EDARADD: variants seen among roughly 807,000 people sequenced by gnomAD.
EDARADD encodes EDAR associated via death domain.
In EDARADD, 20 loss-of-function variants were observed where a neutral mutation model predicts 25.6. That is an observed-to-expected ratio of 0.78 (90% CI 0.55 to 1.14). The LOEUF is 1.14. EDARADD is among the 50% of genes most tolerant of loss of function. The pLI, the probability that EDARADD is intolerant of heterozygous loss-of-function variation, is 0.00. For missense variants in EDARADD, 225 were observed against 270.1 expected, an observed-to-expected ratio of 0.83 and a Z score of 1.17; for synonymous variants, 86 against 94.4, an observed-to-expected ratio of 0.91 and a Z score of 0.52.
chr1:236,447,026 C>A (rs928679004), intron 4 of EDARADD, among the ~76,000 whole-genome samples: 2 of 152,160 alleles, frequency 1.3e-5, no homozygotes, highest in South Asian at 4.1e-4. Flanking sequence ...CATAGCAGGG[C>A]AGGGCAGGTC....
intron 1 of EDARADD, among the ~76,000 whole-genome samples, chr1:236,402,964 T>C (rs1241536583): frequency 6.9e-6 from 1 of 143,932 alleles, no homozygotes; most frequent in Non-Finnish European, 1.5e-5. Context: ...TTGTCTTTTC[T>C]TTTTTTTTTG....
intron 4 of EDARADD, among the ~76,000 whole-genome samples, chr1:236,451,886 TC>T (rs1421254066): frequency 6.6e-6 from 1 of 151,592 alleles, no homozygotes; most frequent in Non-Finnish European, 1.5e-5. Context: ...TTTTTACACC[TC>T]CCCCCAGCAG....
At chr1:236,439,065 G>C (rs112604506) in intron 4 of EDARADD, among the ~76,000 whole-genome samples, 159 of 152,226 alleles carry the variant, frequency 1.0e-3, no homozygotes, top group African/African-American at 3.6e-3. Context: ...CCATACTTTT[G>C]CCTTTTGCAG....
intron 4 of EDARADD, among the ~76,000 whole-genome samples, chr1:236,461,591 G>A (rs776513844): frequency 6.6e-6 from 1 of 152,198 alleles, no homozygotes; most frequent in Non-Finnish European, 1.5e-5. Flanking sequence ...TTCCAAAGAA[G>A]CTAGTTAAGT....
At position 236,483,737 on chromosome 1, in the gene EDARADD, C is replaced by G. The variant is rs1659750710; in HGVS notation, c.*1088C>G. The G allele has an allele frequency of 2.0e-6, 3 of 1,516,752 alleles. No homozygotes were observed. In the Admixed American group the frequency reaches 5.0e-5, roughly 25 times the overall value. The allele number at this position is 1,516,752 out of a possible 1,614,324, so 94.0% of individuals were successfully genotyped here. On this transcript the variant is annotated 3_prime_UTR_variant, in exon 6 of 6. Transcript: ENST00000334232. ...CCATTGGAGCGGAGGTTTACCACAG[C>G]CTGAAGAATGTCATCAAGGAGAAAT... is the stretch of plus-strand genomic sequence containing the variant.
chr1:236,406,023 A>G (rs1437688144), intron 1 of EDARADD, among the ~76,000 whole-genome samples: 1 of 150,248 alleles, frequency 6.7e-6, no homozygotes, highest in African/African-American at 2.5e-5. Flanking sequence ...GGATGGTGTC[A>G]GAGCATTTAA....
At chr1:236,464,372 C>T (rs1659126284) in intron 4 of EDARADD, among the ~76,000 whole-genome samples, 1 of 150,674 alleles carries the variant, frequency 6.6e-6, no homozygotes, top group African/African-American at 2.4e-5. Flanking sequence ...CACAGCCTCC[C>T]AAAGTGCTGA....
chr1:236,379,569 A>G (rs1667273818), intron 3 of EDARADD, among the ~76,000 whole-genome samples: 1 of 152,030 alleles, frequency 6.6e-6, no homozygotes, highest in Non-Finnish European at 1.5e-5. Flanking sequence ...ACCTCAGGTC[A>G]GGAGTTCGAC....
intron 5 of EDARADD, among the ~76,000 whole-genome samples, chr1:236,479,908 T>C (rs34558862): frequency 0.25 from 28,451 of 112,814 alleles, 3,172 homozygotes; most frequent in Non-Finnish European, 0.31. Context: ...ATTGACTGAG[T>C]GTGATGGTGT....
chr1:236,400,247 T>C (rs181385769), intron 1 of EDARADD, among the ~76,000 whole-genome samples: 172 of 152,292 alleles, frequency 1.1e-3, no homozygotes, highest in African/African-American at 4.0e-3. Context: ...GCTTTATCTC[T>C]TTGTTTGCTG....
chr1:236,482,303 C>T lies in EDARADD; in HGVS notation c.302C>T (p.Thr101Ile), dbSNP rs886046186. 6.2e-6 allele frequency: 10 copies of T among 1,614,090 alleles called. No homozygotes were observed. The highest frequency in any genetic ancestry group is 8.5e-6 in the Non-Finnish European group (10 of 1,180,030). The part of the protein sequence containing the change: ...SKDNSCKENC[T>I]CSSCLLRAPT... ...GACAACTCCTGCAAAGAAAACTGTA[C>T]TTGTTCCTCCTGCTTGCTCCGGGCC... The change falls in exon 6 of 6, where the codon ACT becomes ATT. Residue 101 changes from threonine (T) to isoleucine (I), a missense_variant. By Grantham distance (89) the Thr-to-Ile change is moderately conservative. Coordinates refer to ENST00000334232, the MANE Select transcript of EDARADD (RefSeq NM_145861.4).
intron 2 of EDARADD, among the ~76,000 whole-genome samples, chr1:236,349,994 C>T (rs1445964927): frequency 3.9e-5 from 6 of 152,200 alleles, no homozygotes; most frequent in East Asian, 1.9e-4. Context: ...CACCTGTAGT[C>T]CCAGCTACTC....
intron 4 of EDARADD, among the ~76,000 whole-genome samples, chr1:236,432,756 G>T (rs1281995186): frequency 1.3e-5 from 2 of 151,946 alleles, no homozygotes; most frequent in African/African-American, 4.8e-5. Flanking sequence ...ATGGTGGTGG[G>T]TGCCTGTAAT....
intron 4 of EDARADD, among the ~76,000 whole-genome samples, chr1:236,437,197 C>G (rs966094898): frequency 6.6e-6 from 1 of 152,158 alleles, no homozygotes; most frequent in Admixed American, 6.5e-5. Context: ...TCCCTAAAGG[C>G]AAAAGATAGA....
chr1:236,382,511 A>G (rs370872775), intron 3 of EDARADD, among the ~76,000 whole-genome samples: 58 of 152,248 alleles, frequency 3.8e-4, no homozygotes, highest in African/African-American at 1.4e-3. Flanking sequence ...GCTTCCTGCA[A>G]GTCTGGTAAT....
Position 236,431,869 on chromosome 1 carries a change from C to G in EDARADD, c.219+4419C>G, listed in dbSNP as rs566901303. 8.3e-3 allele frequency among the ~76,000 whole-genome samples: 397 copies of G among 47,640 alleles called. 52 individuals are homozygous for G. Among genetic ancestry groups the G allele is most frequent in the African/African-American group, 0.016 (383 of 23,848 alleles). 31.3% of individuals were successfully genotyped at this position (47,640 alleles called of 152,430 possible). A position where few individuals can be genotyped will look rare whatever the true frequency, so the allele number is the denominator to read the frequency against. On this transcript the variant is annotated intron_variant, in intron 4 of 5. Coordinates refer to ENST00000334232, the MANE Select transcript of EDARADD (RefSeq NM_145861.4). ...CCGGGAAGCGGAGCTTGCAGTGAGC[C>G]GAGATTGCGCCACTGCAGTCCGCAG...
chr1:236,434,740 G>GT (rs1558123638), intron 4 of EDARADD, among the ~76,000 whole-genome samples: 1 of 152,108 alleles, frequency 6.6e-6, no homozygotes. Context: ...AGGCTGGAAG[G>GT]TAAGTTGAGA....
intron 3 of EDARADD, among the ~76,000 whole-genome samples, chr1:236,383,317 C>G (rs1243345030): frequency 6.6e-6 from 1 of 150,750 alleles, no homozygotes; most frequent in Middle Eastern, 3.4e-3. Flanking sequence ...ATCACTTGAA[C>G]CTAGGAGGTG....
chr1:236,414,995 A>G (rs1239012796), intron 3 of EDARADD, among the ~76,000 whole-genome samples: 4 of 152,270 alleles, frequency 2.6e-5, no homozygotes, highest in African/African-American at 9.6e-5. Context: ...TGTTGGCTCC[A>G]TTCTTGGGCA....
Sources: gnomAD v4.1 joint callset for allele counts (sites outside exome capture counted in the v4.1 genomes callset) on GRCh38, gnomAD v4.1.1 for gene constraint, MANE v1.5 for transcripts, NCBI Gene and HGNC (gene_info 2026-07-23, HGNC 2026-07-21) for gene names.